C12orf50: variants seen among roughly 807,000 people sequenced by gnomAD.
C12orf50 encodes the protein uncharacterized protein C12orf50.
C12orf50 carries 35 observed loss-of-function variants against 61.6 expected under a neutral mutation model. The ratio of observed to expected loss-of-function variants is 0.57; its 90% CI spans 0.43 to 0.75. C12orf50 has a LOEUF of 0.75. C12orf50 is among the 30% of genes least tolerant of loss of function. C12orf50 has a pLI of 0.00. For synonymous variants in C12orf50, 178 were observed against 161.5 expected (o/e 1.10, Z -0.77); for missense variants, 475 against 488.5 (o/e 0.97, Z 0.26).
intron 1 of C12orf50, among the ~76,000 whole-genome samples, chr12:88,028,292 A>C (rs2032779946): frequency 6.6e-6 from 1 of 152,186 alleles, no homozygotes; most frequent in African/African-American, 2.4e-5. Context: ...CAGGTAATAG[A>C]AGTGAATCCA....
Position 87,984,105 on chromosome 12 carries a change from C to T in C12orf50, c.1127-910G>A, listed in dbSNP as rs866437355. ...TTCTAACTGGTGTGAGATGGTATCT[C>T]GTTGTGGTTTTGATTTGCATTTCTC... is the stretch of plus-strand genomic sequence containing the variant. On this transcript the variant is annotated intron_variant, in intron 11 of 12. Coordinates refer to ENST00000298699, the MANE Select transcript of C12orf50 (RefSeq NM_152589.3). The T allele has an allele frequency of 4.0e-5, 6 of 151,624 alleles. No individual in the cohort carries two copies. The South Asian group carries it at 1.0e-3, about 26-fold the overall frequency. The allele number at this position is 151,624 out of a possible 1,614,324, so 9.4% of individuals were successfully genotyped here.
rs148205084 is a variant in C12orf50, at chr12:88,015,444, A to G, written c.133+11044T>C. Among the ~76,000 whole-genome samples the G allele has an allele frequency of 3.9e-5, 6 of 152,362 alleles. No homozygotes were observed. The East Asian group carries it at 1.2e-3, about 29-fold the overall frequency. ...CACTGGACACTGACCTAGAATAAATAAAAATCAAATGATCCTATTCAATTG... is the reference window on the plus strand; with the variant it reads ...CACTGGACACTGACCTAGAATAAATGAAAATCAAATGATCCTATTCAATTG... On this transcript the variant is annotated intron_variant, in intron 3 of 12. Coordinates refer to ENST00000298699, the MANE Select transcript of C12orf50 (RefSeq NM_152589.3).
intron 3 of C12orf50, among the ~76,000 whole-genome samples, chr12:88,003,687 T>G (rs1359182132): frequency 6.6e-6 from 1 of 152,032 alleles, no homozygotes; most frequent in Admixed American, 6.6e-5. Context: ...CATACTGGGG[T>G]TCTATTATAT....
intron 12 of C12orf50, among the ~76,000 whole-genome samples, chr12:87,982,825 G>GT (rs2030574394): frequency 6.6e-6 from 1 of 150,404 alleles, no homozygotes; most frequent in Admixed American, 6.6e-5. Flanking sequence ...GCATCTTAAC[G>GT]TATTACATGA....
chr12:88,028,238 A>G (rs542676221), intron 1 of C12orf50, among the ~76,000 whole-genome samples: 45 of 152,346 alleles, frequency 3.0e-4, no homozygotes, highest in African/African-American at 1.1e-3. Flanking sequence ...CACCTGGGAC[A>G]TGAAATCTGT....
intron 8 of C12orf50, 67 bp downstream of exon 8, chr12:87,989,197 A>G: frequency 8.9e-7 from 1 of 1,123,594 alleles, no homozygotes; most frequent in South Asian, 1.4e-5. Flanking sequence ...TTTTTATAAC[A>G]AGCAAGCTTG....
intron 3 of C12orf50, among the ~76,000 whole-genome samples, chr12:88,005,912 G>GTTTTTTT (rs371924944): frequency 6.6e-5 from 6 of 91,036 alleles, no homozygotes; most frequent in East Asian, 3.4e-4. Context: ...TGTTTTTTTG[G>GTTTTTTT]TTTTTTTTTT....
chr12:88,028,527 T>A (rs1265254133), intron 1 of C12orf50, among the ~76,000 whole-genome samples: 4 of 152,192 alleles, frequency 2.6e-5, no homozygotes, highest in Admixed American at 2.6e-4. Context: ...AATTTATATG[T>A]GGCCAATTTG....
chr12:88,008,011 A>T (rs1261223286), intron 3 of C12orf50, among the ~76,000 whole-genome samples: 3 of 152,050 alleles, frequency 2.0e-5, no homozygotes, highest in African/African-American at 7.2e-5. Context: ...AAGCATAAAA[A>T]TATTAGGTTA....
At chr12:88,025,257 G>T (rs1170090349) in intron 3 of C12orf50, among the ~76,000 whole-genome samples, 1 of 152,184 alleles carries the variant, frequency 6.6e-6, no homozygotes, top group African/African-American at 2.4e-5. Flanking sequence ...GATAGGCTTA[G>T]ATAGGAGTAT....
At chr12:87,996,854 T>C (rs2031418949) in intron 4 of C12orf50, among the ~76,000 whole-genome samples, 1 of 152,202 alleles carries the variant, frequency 6.6e-6, no homozygotes, top group Non-Finnish European at 1.5e-5. Context: ...CAAAGGGCTA[T>C]GTATTATGTA....
Position 87,985,853 on chromosome 12 carries a change from G to A in C12orf50, c.1123C>T (p.Pro375Ser), listed in dbSNP as rs575082386. Reference protein sequence around the residue: ...ANREPKPNLSPDKYTSTSYND... With the variant: ...ANREPKPNLSSDKYTSTSYND... ...CCACATCAACAAAGGACCTCACCTG[G>A]ACTGAGGTTGGGTTTGGGTTCCCTG... Residue 375 changes from proline to serine, a missense_variant, in exon 11 of 13, where the codon CCA becomes TCA. Pro to Ser is a moderately conservative substitution (Grantham distance 74). Transcript: ENST00000298699. 6.8e-6 allele frequency: 11 copies of A among 1,612,110 alleles called. No individual in the cohort carries two copies. In the African/African-American group the frequency reaches 1.2e-4, roughly 18 times the overall value.
At chr12:87,985,736 G>T in intron 11 of C12orf50, 114 bp downstream of exon 11, 1 of 990,722 alleles carries the variant, frequency 1.0e-6, no homozygotes. Context: ...GGTGGTGATG[G>T]CCAGGGTAAA....
chr12:88,019,846 A>G (rs1281877512), intron 3 of C12orf50, among the ~76,000 whole-genome samples: 1 of 152,240 alleles, frequency 6.6e-6, no homozygotes, highest in Admixed American at 6.5e-5. Flanking sequence ...ACCTTTCAGA[A>G]GAAACCCTAC....
chr12:87,997,150 C>T (rs2031431740), intron 4 of C12orf50, among the ~76,000 whole-genome samples: 1 of 152,134 alleles, frequency 6.6e-6, no homozygotes, highest in Admixed American at 6.5e-5. Context: ...AACTAAAATG[C>T]AAAAGACATG....
intron 11 of C12orf50, chr12:87,984,432 A>T (rs964987782): frequency 1.3e-5 from 2 of 152,148 alleles, no homozygotes; most frequent in Non-Finnish European, 2.9e-5. Flanking sequence ...AGTTTTGCAT[A>T]AATTCTGCTA....
chr12:87,985,761 G>C lies in C12orf50; in HGVS notation c.1126+89C>G, dbSNP rs983740914. The C allele has an allele frequency of 3.9e-6, 5 of 1,273,592 alleles. No individual in the cohort carries two copies. In the African/African-American group the frequency reaches 5.9e-5, roughly 15 times the overall value. 78.9% of individuals were successfully genotyped at this position (1,273,592 alleles called of 1,614,324 possible). A position where few individuals can be genotyped will look rare whatever the true frequency, so the allele number is the denominator to read the frequency against. On this transcript the variant is annotated intron_variant, in intron 11 of 12. Transcript: ENST00000298699. ...GCCAGGGTAAAGAAGAGGGGAGTAA[G>C]TAGTAGTGAAGTTTAGCCAAGCTGT... is the stretch of plus-strand genomic sequence containing the variant.
intron 11 of C12orf50, chr12:87,985,573 A>G (rs1049921130): frequency 1.9e-5 from 8 of 430,392 alleles, no homozygotes; most frequent in African/African-American, 1.2e-4. Flanking sequence ...AGTGACATGA[A>G]GCTGTCCTGG....
At chr12:88,024,161 C>T (rs1443361735) in intron 3 of C12orf50, among the ~76,000 whole-genome samples, 5 of 152,108 alleles carry the variant, frequency 3.3e-5, no homozygotes, top group African/African-American at 1.2e-4. Context: ...GAAAAGGGAA[C>T]ACTTATATAC....
Sources: gnomAD v4.1 joint callset for allele counts (sites outside exome capture counted in the v4.1 genomes callset) on GRCh38, gnomAD v4.1.1 for gene constraint, MANE v1.5 for transcripts, NCBI Gene and HGNC (gene_info 2026-07-23, HGNC 2026-07-21) for gene names.